Variants in COX5A observed in about 807,000 individuals in gnomAD.
COX5A encodes the protein cytochrome c oxidase subunit 5A, mitochondrial.
In COX5A, 6 loss-of-function variants were observed where a neutral mutation model predicts 16.1. The ratio of observed to expected loss-of-function variants is 0.37; its 90% CI spans 0.20 to 0.73. The LOEUF is 0.73. COX5A is among the 30% of genes least tolerant of loss of function. The probability of loss-of-function intolerance (pLI) is 0.50; values close to 1 mark genes in which losing one functional copy is unlikely to be tolerated. For synonymous variants in COX5A, 73 were observed against 73.8 expected (o/e 0.99, Z 0.06); for missense variants, 159 against 194.9 (o/e 0.82, Z 1.10).
chr15:74,937,336 C>G (rs1451157694), intron 1 of COX5A, among the ~76,000 whole-genome samples: 2 of 152,190 alleles, frequency 1.3e-5, no homozygotes, highest in South Asian at 2.1e-4. Flanking sequence ...TTCCGGAGAT[C>G]AGGAAACAAC....
intron 3 of COX5A, among the ~76,000 whole-genome samples, chr15:74,925,630 C>T (rs1173148132): frequency 6.6e-6 from 1 of 152,016 alleles, no homozygotes; most frequent in Non-Finnish European, 1.5e-5. Context: ...TCAGGTGATC[C>T]ACCTGCCTCA....
intron 1 of COX5A, among the ~76,000 whole-genome samples, chr15:74,936,965 G>A (rs573406651): frequency 6.6e-6 from 1 of 152,166 alleles, no homozygotes; most frequent in South Asian, 2.1e-4. Flanking sequence ...AGCATACCCT[G>A]AAACGAGTTT....
intron 2 of COX5A, among the ~76,000 whole-genome samples, chr15:74,927,802 C>A (rs866271057): frequency 1.6e-4 from 25 of 151,918 alleles, no homozygotes; most frequent in African/African-American, 5.8e-4. Flanking sequence ...AACAAAAAAA[C>A]CAAAATAAAA....
chr15:74,935,066 A>G (rs1378759216), intron 1 of COX5A, among the ~76,000 whole-genome samples: 1 of 152,218 alleles, frequency 6.6e-6, no homozygotes, highest in Non-Finnish European at 1.5e-5. Context: ...CATTTAATAA[A>G]TAATCAACCC....
At chr15:74,935,712 C>G (rs936251898) in intron 1 of COX5A, among the ~76,000 whole-genome samples, 3 of 151,924 alleles carry the variant, frequency 2.0e-5, no homozygotes, top group Non-Finnish European at 4.4e-5. Flanking sequence ...AATGCCTCAG[C>G]CTCCCAAGAA....
At chr15:74,930,450 C>A (rs1234466472) in intron 1 of COX5A, among the ~76,000 whole-genome samples, 18 of 107,150 alleles carry the variant, frequency 1.7e-4, no homozygotes, top group East Asian at 3.4e-4. Context: ...ACAACAACAA[C>A]AAAAAAAACC....
At chr15:74,930,081 AAAAC>A (rs770038128) in intron 1 of COX5A, among the ~76,000 whole-genome samples, 20 of 150,846 alleles carry the variant, frequency 1.3e-4, no homozygotes, top group East Asian at 2.0e-4. Context: ...TCCAACTCAA[AAAAC>A]AAACAAACAA....
At chr15:74,927,554 C>G (rs2065349703) in intron 2 of COX5A, among the ~76,000 whole-genome samples, 1 of 151,948 alleles carries the variant, frequency 6.6e-6, no homozygotes, top group Admixed American at 6.6e-5. Context: ...AGGTGGATCA[C>G]CTGAGGTCAG....
intron 4 of COX5A, among the ~76,000 whole-genome samples, chr15:74,922,924 G>C (rs1422487054): frequency 6.6e-6 from 1 of 151,850 alleles, no homozygotes; most frequent in Non-Finnish European, 1.5e-5. Flanking sequence ...CAAAGTCCTG[G>C]GATTACAGGC....
At chr15:74,934,209 A>G (rs1449486270) in intron 1 of COX5A, among the ~76,000 whole-genome samples, 1 of 152,174 alleles carries the variant, frequency 6.6e-6, no homozygotes, top group African/African-American at 2.4e-5. Context: ...TGACTGCGCC[A>G]CTGCACTCTA....
intron 2 of COX5A, among the ~76,000 whole-genome samples, 189 bp downstream of exon 2, chr15:74,928,927 C>G (rs1195669329): frequency 6.6e-6 from 1 of 152,152 alleles, no homozygotes; most frequent in Non-Finnish European, 1.5e-5. Flanking sequence ...AATTATCTGG[C>G]CCAAAATGTC....
intron 2 of COX5A, 73 bp downstream of exon 2, chr15:74,929,043 G>C (rs1164164818): frequency 9.6e-7 from 1 of 1,046,792 alleles, no homozygotes; most frequent in Non-Finnish European, 1.5e-6. Context: ...CGAAACAGTT[G>C]CTCTCAATAA....
chr15:74,929,539 A>G (rs1390194730), intron 1 of COX5A, among the ~76,000 whole-genome samples: 2 of 152,172 alleles, frequency 1.3e-5, no homozygotes, highest in Non-Finnish European at 2.9e-5. Context: ...TGGGACGTAA[A>G]AACTACTTTA....
chr15:74,926,228 G>A (rs2065342998), intron 3 of COX5A, among the ~76,000 whole-genome samples: 1 of 151,584 alleles, frequency 6.6e-6, no homozygotes, highest in Non-Finnish European at 1.5e-5. Flanking sequence ...TTTTAGTAGA[G>A]ACAGGGTTTC....
intron 3 of COX5A, among the ~76,000 whole-genome samples, chr15:74,926,032 ATTT>A (rs755631696): frequency 9.3e-6 from 1 of 107,662 alleles, no homozygotes. Context: ...TGCCCAGCTA[ATTT>A]TTTTTTTTTT....
At chr15:74,929,352 A>G in intron 1 of COX5A, 120 bp from the exon 2 acceptor site, 1 of 685,070 alleles carries the variant, frequency 1.5e-6, no homozygotes, top group Non-Finnish European at 2.6e-6. Context: ...TGAACAGGTC[A>G]AATGAAATAC....
chr15:74,923,606 T>C (rs2065331112), intron 4 of COX5A, 42 bp downstream of exon 4: 1 of 1,179,126 alleles, frequency 8.5e-7, no homozygotes, highest in Non-Finnish European at 1.3e-6. Flanking sequence ...CCCACACCTC[T>C]CTGGATTGTT....
chr15:74,920,878 T>C (rs2065316752), intron 4 of COX5A, among the ~76,000 whole-genome samples: 1 of 151,714 alleles, frequency 6.6e-6, no homozygotes, highest in African/African-American at 2.4e-5. Flanking sequence ...CTCGGGAGGC[T>C]AAGGCACGAG....
At chr15:74,930,150 T>C (rs1439810236) in intron 1 of COX5A, among the ~76,000 whole-genome samples, 1 of 151,662 alleles carries the variant, frequency 6.6e-6, no homozygotes, top group African/African-American at 2.4e-5. Flanking sequence ...CCGGGCGCAG[T>C]GGCTCACGCC....
Sources: gnomAD v4.1 joint callset for allele counts (sites outside exome capture counted in the v4.1 genomes callset) on GRCh38, gnomAD v4.1.1 for gene constraint, MANE v1.5 for transcripts, NCBI Gene and HGNC (gene_info 2026-07-23, HGNC 2026-07-21) for gene names.